Variants in NRG1 observed in about 807,000 individuals in gnomAD.
NRG1 encodes pro-neuregulin-1, membrane-bound isoform.
NRG1 carries 18 observed loss-of-function variants against 63.8 expected under a neutral mutation model. The observed-to-expected ratio is 0.28, with a 90% CI of 0.19 to 0.42. NRG1 has a LOEUF of 0.42. Ranked by LOEUF, NRG1 falls within the 10% of genes least tolerant of loss-of-function variation. The pLI, the probability that NRG1 is intolerant of heterozygous loss-of-function variation, is 1.00. For missense variants in NRG1, 762 were observed against 814.7 expected, an observed-to-expected ratio of 0.94 and a Z score of 0.79; for synonymous variants, 302 against 301.3, an observed-to-expected ratio of 1.00 and a Z score of -0.02.
At chr8:32,407,173 G>T (rs1814107022) in intron 1 of NRG1, among the ~76,000 whole-genome samples, 1 of 150,562 alleles carries the variant, frequency 6.6e-6, no homozygotes, top group Non-Finnish European at 1.5e-5. Flanking sequence ...TGCTTTGTAA[G>T]CTATAAAATT....
intron 1 of NRG1, among the ~76,000 whole-genome samples, chr8:31,733,760 G>A (rs534277343): frequency 1.5e-4 from 23 of 152,266 alleles, no homozygotes; most frequent in African/African-American, 5.5e-4. Context: ...TATGGGTTCT[G>A]TACATGTCAC....
At chr8:32,360,316 T>A (rs148421000) in intron 1 of NRG1, among the ~76,000 whole-genome samples, 2 of 152,298 alleles carry the variant, frequency 1.3e-5, no homozygotes, top group East Asian at 1.9e-4. Flanking sequence ...AAATAAGCTG[T>A]GAAGCTGAAA....
intron 1 of NRG1, among the ~76,000 whole-genome samples, chr8:32,443,156 C>G (rs1049039772): frequency 5.3e-5 from 8 of 151,976 alleles, no homozygotes; most frequent in African/African-American, 1.7e-4. Context: ...TGGTATCAAA[C>G]TCTCAAACTT....
chr8:32,379,068 C>T lies in NRG1; in HGVS notation c.38-216760C>T, dbSNP rs552362023. On this transcript the variant is annotated intron_variant, in intron 1 of 10. Transcript: ENST00000519301. Reference sequence around the variant, plus strand: ...AAGTCTTTGCTATTGTGAATAGTGCCGCAATAAACATATCTTTTTTTAAAA... The same window carrying T: ...AAGTCTTTGCTATTGTGAATAGTGCTGCAATAAACATATCTTTTTTTAAAA... Among the ~76,000 whole-genome samples, 5 of 105,774 alleles carry T rather than the reference C, an allele frequency of 4.7e-5. No homozygotes were observed. The South Asian group carries it at 1.1e-3, about 24-fold the overall frequency. 69.4% of individuals were successfully genotyped at this position (105,774 alleles called of 152,430 possible).
chr8:31,768,025 C>T (rs1329766932), intron 1 of NRG1, among the ~76,000 whole-genome samples: 1 of 152,140 alleles, frequency 6.6e-6, no homozygotes, highest in African/African-American at 2.4e-5. Context: ...TTTATCTTCT[C>T]TATCATATTT....
chr8:31,858,713 C>A (rs1178577532), intron 1 of NRG1, among the ~76,000 whole-genome samples: 1 of 152,122 alleles, frequency 6.6e-6, no homozygotes, highest in Non-Finnish European at 1.5e-5. Context: ...GGATGTTCAG[C>A]AAATCAGTGC....
In NRG1 at chr8:32,327,776, G is replaced by A. The variant is rs147079786; in HGVS notation, c.38-268052G>A. ...ACAATTAAAACATAGGAATGGGGCA[G>A]GAAGCCTTATTAGGTGGTGAGATTG... On this transcript the variant is annotated intron_variant, in intron 1 of 10. Coordinates refer to the NRG1 transcript ENST00000519301. 4.4e-3 allele frequency among the ~76,000 whole-genome samples: 668 copies of A among 152,298 alleles called. 2 individuals are homozygous for A. Among genetic ancestry groups the A allele is most frequent in the Middle Eastern group, 0.021 (6 of 292 alleles).
rs147601600 is a variant in NRG1 at position 32,223,173 on chromosome 8, A to G, written c.38-372655A>G. Among the ~76,000 whole-genome samples, 1,305 of 152,362 alleles carry G rather than the reference A, an allele frequency of 8.6e-3. 19 individuals are homozygous for G. Among genetic ancestry groups the G allele is most frequent in the African/African-American group, 0.03 (1,238 of 41,586 alleles). On this transcript the variant is annotated intron_variant, in intron 1 of 10. Transcript: ENST00000519301. Reference sequence around the variant, plus strand: ...ACAATTTTAGAAAAAATGTAATCACATTTCCAATTACTAGACAAGATATAA... The same window carrying G: ...ACAATTTTAGAAAAAATGTAATCACGTTTCCAATTACTAGACAAGATATAA...
chr8:32,445,122 C>A (rs528396948), intron 1 of NRG1, among the ~76,000 whole-genome samples: 1 of 152,262 alleles, frequency 6.6e-6, no homozygotes, highest in Admixed American at 6.5e-5. Flanking sequence ...GGACCCCTTG[C>A]AGATACCAAA....
chr8:31,906,044 A>G (rs1171717859), intron 1 of NRG1, among the ~76,000 whole-genome samples: 2 of 152,338 alleles, frequency 1.3e-5, no homozygotes, highest in South Asian at 4.1e-4. Flanking sequence ...ACCAGCTTAA[A>G]ATAACAAGCA....
At chr8:31,823,379 C>G (rs920568397) in intron 1 of NRG1, among the ~76,000 whole-genome samples, 1 of 151,984 alleles carries the variant, frequency 6.6e-6, no homozygotes, top group African/African-American at 2.4e-5. Flanking sequence ...ATTATAAATT[C>G]AGTTTTATTA....
intron 3 of NRG1, among the ~76,000 whole-genome samples, chr8:32,609,840 T>G (rs996216270): frequency 7.3e-5 from 11 of 151,516 alleles, no homozygotes; most frequent in African/African-American, 2.7e-4. Flanking sequence ...CCCCAGCTAA[T>G]TTTTGTATTT....
chr8:32,533,100 G>A (rs1325016268), intron 1 of NRG1, among the ~76,000 whole-genome samples: 1 of 150,646 alleles, frequency 6.6e-6, no homozygotes, highest in Non-Finnish European at 1.5e-5. Context: ...TCATAATTAC[G>A]GTCCATAACA....
upstream of NRG1, among the ~76,000 whole-genome samples, chr8:32,544,472 ATTATTTATTTATTTAT>A (rs10574242): frequency 1.9e-3 from 259 of 139,868 alleles, 1 homozygote; most frequent in South Asian, 4.6e-3. Context: ...TGCCTAGCTT[ATTATTTATTTATTTAT>A]TTATTTATTT....
chr8:31,930,749 C>A (rs890547061), intron 1 of NRG1, among the ~76,000 whole-genome samples: 1 of 152,110 alleles, frequency 6.6e-6, no homozygotes, highest in African/African-American at 2.4e-5. Flanking sequence ...TAGTGTATAG[C>A]AGTGATAGCA....
intron 1 of NRG1, among the ~76,000 whole-genome samples, chr8:32,325,098 T>C (rs922431230): frequency 1.3e-5 from 2 of 152,214 alleles, no homozygotes; most frequent in East Asian, 3.8e-4. Context: ...TTATTTATTA[T>C]GCTGTTATAA....
At chr8:32,141,521 A>AGTGTGT (rs10555336) in intron 1 of NRG1, among the ~76,000 whole-genome samples, 22 of 129,962 alleles carry the variant, frequency 1.7e-4, no homozygotes, top group Middle Eastern at 4.0e-3. Context: ...GAGATAGTTA[A>AGTGTGT]GTGTGTGTGT....
chr8:32,141,791 G>A (rs1332929132), intron 1 of NRG1, among the ~76,000 whole-genome samples: 1 of 151,504 alleles, frequency 6.6e-6, no homozygotes, highest in Non-Finnish European at 1.5e-5. Context: ...AGCTCAAGGG[G>A]TACTGCACAA....
intron 1 of NRG1, among the ~76,000 whole-genome samples, chr8:32,116,654 A>G (rs1420944198): frequency 6.6e-6 from 1 of 152,100 alleles, no homozygotes; most frequent in Non-Finnish European, 1.5e-5. Context: ...GCTGGCTCAT[A>G]AAAACATAAA....
Sources: gnomAD v4.1 joint callset for allele counts (sites outside exome capture counted in the v4.1 genomes callset) on GRCh38, gnomAD v4.1.1 for gene constraint, MANE v1.5 for transcripts, NCBI Gene and HGNC (gene_info 2026-07-23, HGNC 2026-07-21) for gene names.